Variants in AHCYL2 observed in about 807,000 individuals in gnomAD.
AHCYL2 encodes S-adenosylhomocysteine hydrolase-like protein 2.
A neutral mutation model predicts 81.4 loss-of-function variants in AHCYL2; 28 were observed. The observed-to-expected ratio is 0.34, with a 90% CI of 0.25 to 0.47. The LOEUF (loss-of-function observed/expected upper bound fraction) is 0.47. Among genes scored for constraint, AHCYL2 ranks in the 20% least tolerant of loss-of-function variants. The pLI is 1.00. For synonymous variants in AHCYL2, 272 were observed against 290.2 expected, an observed-to-expected ratio of 0.94 and a Z score of 0.64; for missense variants, 551 against 785.1, an observed-to-expected ratio of 0.70 and a Z score of 3.56.
At chr7:129,380,275 C>T (rs1358353419) in intron 2 of AHCYL2, among the ~76,000 whole-genome samples, 1 of 152,182 alleles carries the variant, frequency 6.6e-6, no homozygotes, top group Non-Finnish European at 1.5e-5. Flanking sequence ...GGCATTAACT[C>T]AGATACATGT....
Position 129,405,987 on chromosome 7 carries a change from A to G in AHCYL2, c.1206+88A>G. 6.6e-6 allele frequency: 8 copies of G among 1,219,268 alleles called. No individual in the cohort carries two copies. In the South Asian group the frequency reaches 1.1e-4, roughly 16 times the overall value. 75.5% of individuals were successfully genotyped at this position (1,219,268 alleles called of 1,614,324 possible). On this transcript the variant is annotated intron_variant, in intron 9 of 16. Transcript: ENST00000325006. ...TTTTTATTTGTATGGACATATGAGT[A>G]CACCCTTTACCACTTTAGATGAGAA...
At chr7:129,333,305 A>T (rs1798485627) in intron 1 of AHCYL2, among the ~76,000 whole-genome samples, 1 of 129,994 alleles carries the variant, frequency 7.7e-6, no homozygotes, top group African/African-American at 3.4e-5. Flanking sequence ...TCTCATCTCT[A>T]CCCAAAAAAA....
chr7:129,321,984 C>T (rs1041641013), intron 1 of AHCYL2, among the ~76,000 whole-genome samples: 7 of 151,878 alleles, frequency 4.6e-5, no homozygotes, highest in Non-Finnish European at 1.0e-4. Context: ...CCATGTTGGC[C>T]AGGCTGGTCT....
At chr7:129,241,761 G>A (rs1458860929) in intron 1 of AHCYL2, among the ~76,000 whole-genome samples, 2 of 152,112 alleles carry the variant, frequency 1.3e-5, no homozygotes, top group East Asian at 1.9e-4. Flanking sequence ...AGTGGCTCAC[G>A]TCTGTAATCC....
chr7:129,405,753 C>A, intron 8 of AHCYL2, 83 bp from the exon 9 acceptor site: 1 of 1,285,484 alleles, frequency 7.8e-7, no homozygotes, highest in South Asian at 1.6e-5. Flanking sequence ...CCAAAAAACC[C>A]CATGAAAACA....
intron 1 of AHCYL2, among the ~76,000 whole-genome samples, chr7:129,255,915 G>A (rs979790479): frequency 6.6e-5 from 10 of 151,986 alleles, no homozygotes; most frequent in South Asian, 2.1e-4. Flanking sequence ...AATGAGCTGA[G>A]ATTGCACCAT....
At chr7:129,385,309 G>A (rs1795150944) in intron 2 of AHCYL2, among the ~76,000 whole-genome samples, 1 of 152,150 alleles carries the variant, frequency 6.6e-6, no homozygotes, top group South Asian at 2.1e-4. Context: ...AAATGAATAG[G>A]TTAGGCCCAA....
At chr7:129,276,385 T>C (rs755822728) in intron 1 of AHCYL2, among the ~76,000 whole-genome samples, 2 of 151,706 alleles carry the variant, frequency 1.3e-5, no homozygotes, top group Non-Finnish European at 2.9e-5. Flanking sequence ...TGAGAAGTTA[T>C]TTTTAAAAAG....
intron 12 of AHCYL2, among the ~76,000 whole-genome samples, chr7:129,416,598 G>A (rs937120754): frequency 2.0e-5 from 3 of 152,052 alleles, no homozygotes; most frequent in African/African-American, 7.2e-5. Flanking sequence ...AGGAGTTCAA[G>A]ACCAGCCTGG....
rs1797187147 is a variant in AHCYL2, at chr7:129,423,000, C to T, written c.1560+62C>T. 5.0e-6 allele frequency: 7 copies of T among 1,398,386 alleles called. No individual in the cohort carries two copies. The Admixed American group carries it at 9.2e-5, about 18-fold the overall frequency. The allele number at this position is 1,398,386 out of a possible 1,614,324, so 86.6% of individuals were successfully genotyped here. On this transcript the variant is annotated intron_variant, in intron 13 of 16. Transcript: ENST00000325006. ...AGGAGAGACTGCAATACCCAGGTCC[C>T]CTCCTCCTCATGTTCTCGAATACTT...
At chr7:129,303,684 A>G (rs1797328147) in intron 1 of AHCYL2, among the ~76,000 whole-genome samples, 1 of 151,974 alleles carries the variant, frequency 6.6e-6, no homozygotes, top group Non-Finnish European at 1.5e-5. Context: ...ATTTTCTACT[A>G]ACTTTGGGTT....
intron 1 of AHCYL2, among the ~76,000 whole-genome samples, chr7:129,331,670 C>G (rs554420451): frequency 6.7e-6 from 1 of 149,482 alleles, no homozygotes; most frequent in Admixed American, 6.8e-5. Context: ...AATGAAACCC[C>G]GTCTCTACTA....
At chr7:129,352,459 T>G (rs1793601475) in intron 1 of AHCYL2, among the ~76,000 whole-genome samples, 1 of 152,142 alleles carries the variant, frequency 6.6e-6, no homozygotes, top group South Asian at 2.1e-4. Flanking sequence ...CACATAAATG[T>G]TTCATATTCT....
chr7:129,390,121 T>G (rs1795396537), intron 4 of AHCYL2, among the ~76,000 whole-genome samples: 1 of 152,212 alleles, frequency 6.6e-6, no homozygotes, highest in South Asian at 2.1e-4. Context: ...CAAGTTTAAT[T>G]TATGCAATTG....
At chr7:129,274,874 C>T (rs1796145849) in intron 1 of AHCYL2, among the ~76,000 whole-genome samples, 1 of 152,112 alleles carries the variant, frequency 6.6e-6, no homozygotes, top group African/African-American at 2.4e-5. Flanking sequence ...TGGAGAAGAG[C>T]CAAGGTTTCA....
chr7:129,315,860 T>C (rs1327197699), intron 1 of AHCYL2, among the ~76,000 whole-genome samples: 1 of 152,322 alleles, frequency 6.6e-6, no homozygotes. Flanking sequence ...AAATTAGCCG[T>C]CAGCCATTTT....
intron 5 of AHCYL2, among the ~76,000 whole-genome samples, chr7:129,399,446 CA>C (rs560832840): frequency 6.4e-4 from 80 of 125,656 alleles, no homozygotes; most frequent in Admixed American, 8.1e-4. Flanking sequence ...GACTCCGTCT[CA>C]AAAAAAAAAA....
chr7:129,242,485 A>G (rs976609259), intron 1 of AHCYL2, among the ~76,000 whole-genome samples: 4 of 152,142 alleles, frequency 2.6e-5, no homozygotes, highest in African/African-American at 7.2e-5. Flanking sequence ...TGGGAGGCCA[A>G]GGGGGGCGGA....
At chr7:129,369,882 A>G (rs1270892384) in intron 1 of AHCYL2, among the ~76,000 whole-genome samples, 1 of 152,190 alleles carries the variant, frequency 6.6e-6, no homozygotes, top group Non-Finnish European at 1.5e-5. Flanking sequence ...TTTTGTGGAA[A>G]GAAAACCTAT....
Sources: gnomAD v4.1 joint callset for allele counts (sites outside exome capture counted in the v4.1 genomes callset) on GRCh38, gnomAD v4.1.1 for gene constraint, MANE v1.5 for transcripts, NCBI Gene and HGNC (gene_info 2026-07-23, HGNC 2026-07-21) for gene names.